Variants in FMR1 observed in about 807,000 individuals in gnomAD.
FMR1 encodes fragile X messenger ribonucleoprotein 1.
In FMR1, 13 loss-of-function variants were observed where a neutral mutation model predicts 50.6. The observed-to-expected ratio is 0.26, with a 90% CI of 0.17 to 0.41. The LOEUF (loss-of-function observed/expected upper bound fraction) is 0.41. Ranked by LOEUF, FMR1 falls within the 10% of genes least tolerant of loss-of-function variation. The pLI, the probability that FMR1 is intolerant of heterozygous loss-of-function variation, is 1.00. For missense variants in FMR1, 316 were observed against 491.3 expected (o/e 0.64, Z 3.37); for synonymous variants, 138 against 164.1 (o/e 0.84, Z 1.22).
intron 9 of FMR1, among the ~76,000 whole-genome samples, chrX:147,933,120 G>A (rs982050675): frequency 2.1e-5 from 2 of 94,250 alleles, no homozygotes; most frequent in Admixed American, 1.3e-4. Flanking sequence ...TTGTTCAATC[G>A]ATCTGTTCTT....
chrX:147,935,915 A>C (rs1557179584), intron 9 of FMR1, among the ~76,000 whole-genome samples: 2 of 112,104 alleles, frequency 1.8e-5, no homozygotes, highest in African/African-American at 6.5e-5. Context: ...CTGTTAACAC[A>C]TTGACCTTGA....
chrX:147,916,229 A>C (rs1557175178), intron 1 of FMR1, among the ~76,000 whole-genome samples: 1 of 112,364 alleles, frequency 8.9e-6, no homozygotes, highest in African/African-American at 3.2e-5. Context: ...ACATACACAC[A>C]AGAAAAATTA....
At position 147,943,213 on chromosome X, in the gene FMR1, A is replaced by G. The variant is rs1177351480; in HGVS notation, c.1358A>G (p.Asn453Ser). Residue 453 changes from asparagine (N) to serine (S), a missense_variant, in exon 14 of 17, where the codon AAT (asparagine) becomes AGT (serine). Physicochemically the swap from Asn to Ser is conservative, Grantham distance 46 (BLOSUM62 1). Coordinates refer to ENST00000370475, the MANE Select transcript of FMR1 (RefSeq NM_002024.6). ...GGAGCTAGTTCTAGACCACCACCAA[A>G]TCGTACAGATAAGGAAAAAAGCTAT... is the stretch of plus-strand genomic sequence containing the variant. ...QIGASSRPPP[N>S]RTDKEKSYVT... The G allele has an allele frequency of 1.7e-6, 2 of 1,208,223 alleles. No individual in the cohort carries two copies. Among genetic ancestry groups the G allele is most frequent in the East Asian group, 3.0e-5 (1 of 33,760 alleles).
chrX:147,947,310 G>T (rs1158409681), intron 16 of FMR1: 1 of 107,585 alleles, frequency 9.3e-6, no homozygotes, highest in Non-Finnish European at 1.9e-5. Flanking sequence ...TACTCGGGAG[G>T]CTGAGGCAGG....
At chrX:147,948,605 G>T (rs2044253603) in intron 16 of FMR1, 78 bp from the exon 17 acceptor site, 2 of 1,201,844 alleles carry the variant, frequency 1.7e-6, no homozygotes, top group South Asian at 1.8e-5. Flanking sequence ...TACACTTCAG[G>T]TTTAAATTTC....
intron 1 of FMR1, among the ~76,000 whole-genome samples, chrX:147,919,648 G>T (rs2043059229): frequency 1.8e-5 from 2 of 112,216 alleles, no homozygotes; most frequent in South Asian, 7.3e-4. Flanking sequence ...GCCACCTTGG[G>T]TATAGCACAA....
At chrX:147,914,415 C>T (rs2042746410) in intron 1 of FMR1, 1 of 111,708 alleles carries the variant, frequency 9.0e-6, no homozygotes, top group South Asian at 3.7e-4. Context: ...GTGGGATGGA[C>T]AGGAAAGATG....
At chrX:147,931,912 A>C (rs1468365519) in intron 7 of FMR1, among the ~76,000 whole-genome samples, 2 of 112,093 alleles carry the variant, frequency 1.8e-5, no homozygotes, top group Non-Finnish European at 3.8e-5. Flanking sequence ...CAACAGAGGA[A>C]TGTTTAGACC....
rs368581020 is a variant in FMR1, at chrX:147,918,555, C to CTTTTTTTTTTTTTTTTT, written c.52-3369_52-3353dup. ...GAAATGCATTCAGAGCCTGCAAAAG[C>CTTTTTTTTTTTTTTTTT]TTTTTTTTTTTTTTTTTTTTTTTTT... On this transcript the variant is annotated intron_variant, in intron 1 of 16. Coordinates refer to ENST00000370475, the MANE Select transcript of FMR1 (RefSeq NM_002024.6). Among the ~76,000 whole-genome samples the CTTTTTTTTTTTTTTTTT allele has an allele frequency of 7.4e-4, 35 of 47,275 alleles. 6 individuals carry two copies. The highest frequency in any genetic ancestry group is 2.9e-3 in the African/African-American group (27 of 9,273). The allele number at this position is 47,275 out of a possible 115,157, so 41.1% of individuals were successfully genotyped here.
chrX:147,931,579 A>G (rs1454365660), intron 7 of FMR1, among the ~76,000 whole-genome samples: 6 of 111,972 alleles, frequency 5.4e-5, no homozygotes, highest in African/African-American at 1.9e-4. Flanking sequence ...CCATTTTTCA[A>G]CATGAGCCAC....
rs1340794157 is a variant in FMR1, at chrX:147,949,598, G to T, written c.*754G>T. The T allele has an allele frequency of 6.1e-6, 2 of 327,131 alleles. No homozygotes were observed. Among genetic ancestry groups the T allele is most frequent in the African/African-American group, 5.3e-5 (2 of 37,386 alleles). The allele number at this position is 327,131 out of a possible 1,213,427, so 27.0% of individuals were successfully genotyped here. A position where few individuals can be genotyped will look rare whatever the true frequency, so the allele number is the denominator to read the frequency against. ...TAGGACTTGTTTTTGTTTTTGTTTT[G>T]TTGCACTGAAGTTTGATAAATAGTG... On this transcript the variant is annotated 3_prime_UTR_variant, in exon 17 of 17. Coordinates refer to ENST00000370475, the MANE Select transcript of FMR1 (RefSeq NM_002024.6).
chrX:147,927,236 T>C (rs1170709312), intron 3 of FMR1, among the ~76,000 whole-genome samples: 2 of 111,477 alleles, frequency 1.8e-5, no homozygotes, highest in African/African-American at 6.5e-5. Context: ...GAATAGTGTT[T>C]GATGGAGGGA....
At chrX:147,945,957 A>G (rs1322434116) in intron 16 of FMR1, among the ~76,000 whole-genome samples, 1 of 111,431 alleles carries the variant, frequency 9.0e-6, no homozygotes, top group African/African-American at 3.3e-5. Context: ...GCTCAGAGCA[A>G]CCTCTGCCTC....
At chrX:147,914,313 T>C (rs1349515928) in intron 1 of FMR1, 1 of 112,315 alleles carries the variant, frequency 8.9e-6, no homozygotes, top group Non-Finnish European at 1.9e-5. Flanking sequence ...AAGAACAGTT[T>C]CTGTAACAAA....
intron 1 of FMR1, chrX:147,912,839 CTT>C (rs1368921263): frequency 1.0e-5 from 3 of 295,286 alleles, no homozygotes; most frequent in East Asian, 4.8e-5. Context: ...AGTGGCTTCT[CTT>C]TGTGGATTTC....
At chrX:147,928,106 C>T in intron 3 of FMR1, 1 of 358,618 alleles carries the variant, frequency 2.8e-6, no homozygotes. Context: ...CTGATTTTTA[C>T]AAGGAGCTTC....
At position 147,921,926 on chromosome X, in the gene FMR1, T is replaced by C. The variant is rs782533226; in HGVS notation, c.52-7T>C. 12 of 1,145,272 alleles carry C rather than the reference T, an allele frequency of 1.0e-5. No individual in the cohort carries two copies. In the Admixed American group the frequency reaches 2.6e-4, roughly 25 times the overall value. The allele number at this position is 1,145,272 out of a possible 1,213,427, so 94.4% of individuals were successfully genotyped here. On this transcript the variant is annotated splice_region_variant and splice_polypyrimidine_tract_variant and intron_variant, in intron 1 of 16. Coordinates refer to ENST00000370475, the MANE Select transcript of FMR1 (RefSeq NM_002024.6). ...CACAAGTTAATTTAACGTTTTTTCTTACACAGGCATTTGTAAAGGATGTTC... is the reference window on the plus strand; with the variant it reads ...CACAAGTTAATTTAACGTTTTTTCTCACACAGGCATTTGTAAAGGATGTTC...
intron 13 of FMR1, 66 bp from the exon 14 acceptor site, chrX:147,943,065 A>G: frequency 3.3e-6 from 3 of 919,148 alleles, no homozygotes; most frequent in East Asian, 6.3e-5. Context: ...TCTGATGAAA[A>G]GGAGAAAGGT....
chrX:147,944,974 T>C lies in FMR1; in HGVS notation c.1577T>C (p.Leu526Pro), dbSNP rs367795320. 8.3e-7 allele frequency: 1 copy of C among 1,204,159 alleles called. No individual in the cohort carries two copies. The highest frequency in any genetic ancestry group is 1.8e-5 in the African/African-American group (1 of 56,330). Residue 526 changes from leucine to proline, a missense_variant, in exon 15 of 17, where the codon CTG becomes CCG. This residue lies in a region of FMR1 where 124 missense variants were observed against 160.8 expected (regional missense o/e 0.77). Coordinates refer to ENST00000370475, the MANE Select transcript of FMR1 (RefSeq NM_002024.6). ...ACAGAGGAAGAGAGGGAGAGCTTCC[T>C]GCGCAGAGGAGACGGACGGCGGCGT... The part of the protein sequence containing the change: ...APTEEERESF[L>P]RRGDGRRRGG...
Sources: allele counts gnomAD v4.1 joint callset (sites outside exome capture counted in the v4.1 genomes callset), GRCh38; gene constraint gnomAD v4.1.1; regional missense constraint gnomAD v4.1.1; transcripts MANE v1.5; gene names NCBI Gene and HGNC (gene_info 2026-07-23, HGNC 2026-07-21).